The following THADA variants were observed in gnomAD, a reference collection of about 807,000 sequenced individuals.
The protein encoded by THADA is THADA armadillo repeat containing, also known as tRNA (32-2'-O)-methyltransferase regulator THADA.
Under a neutral mutation model 219.8 loss-of-function variants are expected in THADA, and 213 were observed. That is an observed-to-expected ratio of 0.97 (90% CI 0.87 to 1.09). The LOEUF is 1.09. Among genes scored for constraint, THADA ranks in the 50% least tolerant of loss-of-function variants. THADA has a pLI of 0.00. For synonymous variants in THADA, 1,018 were observed against 828.9 expected (o/e 1.23, Z -3.92); for missense variants, 2,956 against 2,311.3 (o/e 1.28, Z -5.72).
chr2:43,427,560 G>A (rs955734612), intron 28 of THADA, among the ~76,000 whole-genome samples: 5 of 136,994 alleles, frequency 3.6e-5, no homozygotes, highest in South Asian at 2.4e-4. Flanking sequence ...ATATATACAC[G>A]CACACACACA....
At chr2:43,252,147 C>G (rs186654606) in intron 36 of THADA, among the ~76,000 whole-genome samples, 8 of 152,310 alleles carry the variant, frequency 5.3e-5, no homozygotes, top group Non-Finnish European at 1.2e-4. Context: ...GCCATGGCCA[C>G]CCCATCTGGG....
intron 30 of THADA, among the ~76,000 whole-genome samples, chr2:43,325,211 A>G (rs748984814): frequency 6.6e-6 from 1 of 152,156 alleles, no homozygotes; most frequent in Non-Finnish European, 1.5e-5. Flanking sequence ...CAAAAGCCCC[A>G]GTGTCTAGAG....
intron 28 of THADA, 34 bp downstream of exon 28, chr2:43,428,066 C>A: frequency 1.3e-6 from 2 of 1,488,674 alleles, no homozygotes; most frequent in Non-Finnish European, 9.0e-7. Flanking sequence ...ACTCCCACGC[C>A]AACCTAGACA....
intron 29 of THADA, among the ~76,000 whole-genome samples, chr2:43,374,380 T>G (rs1573336641): frequency 6.6e-6 from 1 of 152,222 alleles, no homozygotes; most frequent in Non-Finnish European, 1.5e-5. Context: ...GTTTCTTCAC[T>G]GTAAAATAGT....
intron 20 of THADA, among the ~76,000 whole-genome samples, chr2:43,542,597 G>A (rs1479051253): frequency 1.3e-5 from 2 of 152,190 alleles, no homozygotes; most frequent in South Asian, 2.1e-4. Context: ...AATTCTGGAA[G>A]CTTGACACAA....
chr2:43,315,915 T>C (rs1031381294), intron 31 of THADA, among the ~76,000 whole-genome samples: 22 of 152,224 alleles, frequency 1.4e-4, no homozygotes, highest in African/African-American at 4.6e-4. Context: ...TGAACTCCTT[T>C]GTCTACAGGG....
rs1701573938 is a variant in THADA at position 43,591,569 on chromosome 2, A to T, written c.171+383T>A. Reference sequence around the variant, plus strand: ...CATTTACTTGCTTTCCAAAAAAAAAAACTATGTGTGCTCAAATGGTAAATC... The same window carrying T: ...CATTTACTTGCTTTCCAAAAAAAAATACTATGTGTGCTCAAATGGTAAATC... On this transcript the variant is annotated intron_variant, in intron 3 of 37. Coordinates refer to ENST00000405975, the MANE Select transcript of THADA (RefSeq NM_022065.5). Among the ~76,000 whole-genome samples the T allele has an allele frequency of 2.0e-5, 3 of 152,292 alleles. No homozygotes were observed. The South Asian group carries it at 6.2e-4, about 32-fold the overall frequency.
At chr2:43,401,852 G>A (rs964823454) in intron 28 of THADA, among the ~76,000 whole-genome samples, 2 of 151,868 alleles carry the variant, frequency 1.3e-5, no homozygotes, top group African/African-American at 4.8e-5. Context: ...GGAAATCAAG[G>A]GAGCATAAAA....
intron 36 of THADA, among the ~76,000 whole-genome samples, chr2:43,279,359 C>A (rs970192450): frequency 2.6e-5 from 4 of 152,246 alleles, no homozygotes; most frequent in Admixed American, 2.6e-4. Flanking sequence ...AACTCAGGAA[C>A]AAAATGATGG....
At chr2:43,233,719 T>C (rs1667709514) in intron 36 of THADA, among the ~76,000 whole-genome samples, 1 of 152,170 alleles carries the variant, frequency 6.6e-6, no homozygotes, top group African/African-American at 2.4e-5. Flanking sequence ...CATTTGGCCT[T>C]AGACAATCCT....
intron 23 of THADA, 109 bp from the exon 24 acceptor site, chr2:43,505,844 G>A (rs1689605236): frequency 3.9e-6 from 3 of 764,882 alleles, no homozygotes; most frequent in Non-Finnish European, 6.4e-6. Flanking sequence ...AAAAACATGT[G>A]GTTATCAAAG....
At chr2:43,436,762 A>T (rs1680173549) in intron 26 of THADA, among the ~76,000 whole-genome samples, 1 of 152,236 alleles carries the variant, frequency 6.6e-6, no homozygotes, top group South Asian at 2.1e-4. Flanking sequence ...AGGCACTATC[A>T]ACATATGCTC....
intron 31 of THADA, among the ~76,000 whole-genome samples, chr2:43,317,303 G>C (rs148818227): frequency 6.6e-6 from 1 of 152,140 alleles, no homozygotes; most frequent in South Asian, 2.1e-4. Context: ...AATAAAATCT[G>C]TATTTTGATA....
intron 28 of THADA, among the ~76,000 whole-genome samples, chr2:43,408,125 C>A (rs1309471781): frequency 6.6e-6 from 1 of 152,136 alleles, no homozygotes; most frequent in Non-Finnish European, 1.5e-5. Context: ...AAATTAGTCA[C>A]CAGGACTTTG....
intron 24 of THADA, among the ~76,000 whole-genome samples, chr2:43,503,739 A>G (rs1387173596): frequency 6.6e-6 from 1 of 152,198 alleles, no homozygotes; most frequent in African/African-American, 2.4e-5. Flanking sequence ...TATCAACTAA[A>G]AAAGCTTAGA....
At chr2:43,470,207 C>CAAAAAA (rs67659070) in intron 26 of THADA, among the ~76,000 whole-genome samples, 1 of 80,704 alleles carries the variant, frequency 1.2e-5, no homozygotes, top group Non-Finnish European at 2.8e-5. Flanking sequence ...GACCTTGTCT[C>CAAAAAA]AAAAAAAAAA....
At chr2:43,570,366 T>C (rs750705439) in intron 14 of THADA, 22 bp downstream of exon 14, 2 of 1,575,226 alleles carry the variant, frequency 1.3e-6, no homozygotes, top group East Asian at 2.3e-5. Context: ...AAAACTCTCA[T>C]GTTTAGAAAT....
rs1251174944 is a variant in THADA at position 43,231,460 on chromosome 2, A to G, written c.5467-117T>C. On this transcript the variant is annotated intron_variant, in intron 37 of 37. Coordinates refer to ENST00000405975, the MANE Select transcript of THADA (RefSeq NM_022065.5). ...GGGTTTCCCTTCCCCCACCTGACAGAGGGTGCACTCTTGCCTGTCAACATC... is the reference window on the plus strand; with the variant it reads ...GGGTTTCCCTTCCCCCACCTGACAGGGGGTGCACTCTTGCCTGTCAACATC... 5.5e-5 allele frequency: 59 copies of G among 1,077,024 alleles called. No homozygotes were observed. In the East Asian group the frequency reaches 1.6e-3, roughly 28 times the overall value. The allele number at this position is 1,077,024 out of a possible 1,614,324, so 66.7% of individuals were successfully genotyped here. A position where few individuals can be genotyped will look rare whatever the true frequency, so the allele number is the denominator to read the frequency against.
intron 30 of THADA, among the ~76,000 whole-genome samples, chr2:43,336,561 T>C (rs982776691): frequency 2.5e-4 from 38 of 152,156 alleles, no homozygotes; most frequent in African/African-American, 8.7e-4. Flanking sequence ...TATGAGCCAC[T>C]GCACTCGTCC....
Sources: allele counts gnomAD v4.1 joint callset (sites outside exome capture counted in the v4.1 genomes callset), GRCh38; gene constraint gnomAD v4.1.1; transcripts MANE v1.5; gene names NCBI Gene and HGNC (gene_info 2026-07-23, HGNC 2026-07-21).